The following CPB1 variants were observed in gnomAD, a reference collection of about 807,000 sequenced individuals.
CPB1 encodes carboxypeptidase B1.
A neutral mutation model predicts 51.4 loss-of-function variants in CPB1; 53 were observed. The ratio of observed to expected loss-of-function variants is 1.03; its 90% CI spans 0.83 to 1.30. The LOEUF (loss-of-function observed/expected upper bound fraction) is 1.30. Among genes scored for constraint, CPB1 ranks in the 50% most tolerant of loss-of-function variants. CPB1 has a pLI of 0.00. For missense variants in CPB1, 494 were observed against 516.2 expected, an observed-to-expected ratio of 0.96 and a Z score of 0.42; for synonymous variants, 189 against 186.9, an observed-to-expected ratio of 1.01 and a Z score of -0.09.
At position 148,837,103 on chromosome 3, in the gene CPB1, T is replaced by C. The variant is rs1444974393; in HGVS notation, c.272+2481T>C. 2.6e-5 allele frequency among the ~76,000 whole-genome samples: 4 copies of C among 152,298 alleles called. No homozygotes were observed. In the East Asian group the frequency reaches 7.7e-4, roughly 29 times the overall value. On this transcript the variant is annotated intron_variant, in intron 3 of 10. Transcript: ENST00000282957. ...AACAGAAAGACTAGGAATCAGATAG[T>C]GTAAATCTCCAACTTATGGTTATGA...
intron 9 of CPB1, among the ~76,000 whole-genome samples, chr3:148,850,725 C>G (rs1713402287): frequency 6.6e-6 from 1 of 152,138 alleles, no homozygotes; most frequent in Non-Finnish European, 1.5e-5. Context: ...AGAAGGCAGA[C>G]AGTTGCAGGG....
chr3:148,857,638 GGCTTTT>G, intron 10 of CPB1, 97 bp downstream of exon 10: 1 of 760,798 alleles, frequency 1.3e-6, no homozygotes, highest in Non-Finnish European at 2.1e-6. Context: ...TAAAGCATGT[GGCTTTT>G]GCCTCACAGC....
At chr3:148,848,924 T>G (rs1713335218) in intron 9 of CPB1, among the ~76,000 whole-genome samples, 1 of 152,220 alleles carries the variant, frequency 6.6e-6, no homozygotes, top group African/African-American at 2.4e-5. Context: ...CTGCTTTTAC[T>G]CATACTATAT....
At position 148,844,522 on chromosome 3, in the gene CPB1, C is replaced by T. The variant is rs147755306; in HGVS notation, c.621C>T (p.Leu207=). 433 of 1,613,882 alleles carry T rather than the reference C, an allele frequency of 2.7e-4. 2 individuals are homozygous for T. The African/African-American group carries it at 4.9e-3, about 18-fold the overall frequency. The change falls in exon 7 of 11, where the codon CTC becomes CTT. Residue 207 remains leucine (L), a synonymous_variant. Coordinates refer to ENST00000282957, the MANE Select transcript of CPB1 (RefSeq NM_001871.3). The part of the protein sequence containing the change: ...YGREIQVTEL[L]DKLDFYVLPV... ...GTGAGATCCAAGTGACAGAGCTTCT[C>T]GACAAGTTAGACTTTTATGTCCTGC...
In CPB1 at chr3:148,857,521, G is replaced by T; in HGVS notation, c.1046G>T (p.Gly349Val). 1 of 1,613,812 alleles carries T rather than the reference G, an allele frequency of 6.2e-7. No homozygotes were observed. Among genetic ancestry groups the T allele is most frequent in the Non-Finnish European group, 8.5e-7 (1 of 1,179,806 alleles). ...CTGCACGGCACCAAGTACACATATG[G>T]CCCGGGAGCTACAACAATCTGTGAG... ...ASLHGTKYTY[G>V]PGATTIYPAA... Residue 349 changes from glycine to valine, a missense_variant, in exon 10 of 11, where the codon GGC becomes GTC. Physicochemically the swap from Gly to Val is moderately radical, Grantham distance 109. Transcript: ENST00000282957.
At position 148,860,056 on chromosome 3, in the gene CPB1, T is replaced by C. The variant is rs1035854500; in HGVS notation, c.*54T>C. On this transcript the variant is annotated 3_prime_UTR_variant, in exon 11 of 11. Coordinates refer to ENST00000282957, the MANE Select transcript of CPB1 (RefSeq NM_001871.3). ...ATTCTCATTTTTCATTTCTTTTCTT[T>C]CTTGAATTCTTATTTTGGTTTGCCT... 7 of 1,544,390 alleles carry C rather than the reference T, an allele frequency of 4.5e-6. No individual in the cohort carries two copies. The highest frequency in any genetic ancestry group is 3.7e-5 in the Admixed American group (2 of 53,682).
chr3:148,848,912 A>C (rs1713335150), intron 9 of CPB1, among the ~76,000 whole-genome samples: 1 of 152,190 alleles, frequency 6.6e-6, no homozygotes, highest in South Asian at 2.1e-4. Context: ...CCCATTTGCA[A>C]ACTGCTTTTA....
At chr3:148,857,053 T>C (rs1713584634) in intron 9 of CPB1, 1 of 143,222 alleles carries the variant, frequency 7.0e-6, no homozygotes. Flanking sequence ...AACTGCCACA[T>C]TGCCAAGTGT....
chr3:148,833,906 T>C (rs1712814817), intron 2 of CPB1, among the ~76,000 whole-genome samples: 1 of 152,114 alleles, frequency 6.6e-6, no homozygotes, highest in Non-Finnish European at 1.5e-5. Flanking sequence ...TAAATGAAAA[T>C]GTCAGTACAT....
At chr3:148,851,816 A>G (rs1178886961) in intron 9 of CPB1, 5 of 152,262 alleles carry the variant, frequency 3.3e-5, no homozygotes, top group Non-Finnish European at 7.3e-5. Context: ...GCAAGGGCCA[A>G]TCAATGAGGT....
In CPB1 at chr3:148,844,703, C is replaced by T; in HGVS notation, c.714C>T (p.Ser238=). 4 of 1,613,962 alleles carry T rather than the reference C, an allele frequency of 2.5e-6. No individual in the cohort carries two copies. The South Asian group carries it at 4.4e-5, about 18-fold the overall frequency. The change falls in exon 8 of 11, where the codon TCC becomes TCT. Residue 238 remains serine (S), a synonymous_variant. Coordinates refer to ENST00000282957, the MANE Select transcript of CPB1 (RefSeq NM_001871.3). ...TKSRFWRKTR[S]THTGSSCIGT... The stretch of plus-strand genomic sequence containing the variant: ...GCCGATTTTGGAGAAAGACTCGCTC[C>T]ACCCATACTGGATCTAGCTGCATTG...
At chr3:148,846,095 A>G (rs1455562325) in intron 9 of CPB1, among the ~76,000 whole-genome samples, 1 of 152,202 alleles carries the variant, frequency 6.6e-6, no homozygotes, top group Non-Finnish European at 1.5e-5. Flanking sequence ...TTAAATACTA[A>G]AATTGTTTAT....
At position 148,844,559 on chromosome 3, in the gene CPB1, A is replaced by G. The variant is rs755307416; in HGVS notation, c.658A>G (p.Ile220Val). 24 of 1,613,702 alleles carry G rather than the reference A, an allele frequency of 1.5e-5. No individual in the cohort carries two copies. Among genetic ancestry groups the G allele is most frequent in the Non-Finnish European group, 1.7e-6 (2 of 1,179,824 alleles). The change falls in exon 7 of 11, where the codon ATT becomes GTT. Residue 220 changes from isoleucine (I) to valine (V), a missense_variant. By Grantham distance (29) the Ile-to-Val change is conservative. Transcript: ENST00000282957. ...CTTTTATGTCCTGCCTGTGCTCAAT[A>G]TTGATGGCTACATCTACACCTGGAC... is the stretch of plus-strand genomic sequence containing the variant. ...LDFYVLPVLN[I>V]DGYIYTWTKS...
In CPB1 at chr3:148,828,200, C is replaced by G. The variant is rs1712629560; in HGVS notation, c.147+123C>G. On this transcript the variant is annotated intron_variant, in intron 2 of 10. Coordinates refer to ENST00000282957, the MANE Select transcript of CPB1 (RefSeq NM_001871.3). ...GCATTTTGGTAGCAAGAAATAAAAA[C>G]TTGGAAAACATTTAGTGCCATAATG... The G allele has an allele frequency of 1.2e-5, 10 of 804,956 alleles. No individual in the cohort carries two copies. The South Asian group carries it at 1.6e-4, about 13-fold the overall frequency. The allele number at this position is 804,956 out of a possible 1,614,324, so 49.9% of individuals were successfully genotyped here.
chr3:148,837,709 C>G (rs1029094334), intron 3 of CPB1, among the ~76,000 whole-genome samples: 3 of 151,642 alleles, frequency 2.0e-5, no homozygotes, highest in African/African-American at 7.3e-5. Context: ...CATTTGAGGT[C>G]AGTCCCCCGC....
At chr3:148,848,868 G>A (rs1713333873) in intron 9 of CPB1, among the ~76,000 whole-genome samples, 1 of 152,148 alleles carries the variant, frequency 6.6e-6, no homozygotes, top group South Asian at 2.1e-4. Flanking sequence ...AAAGTAGATG[G>A]AATAACAAGA....
At chr3:148,841,615 C>T (rs536495426) in intron 5 of CPB1, among the ~76,000 whole-genome samples, 1 of 152,258 alleles carries the variant, frequency 6.6e-6, no homozygotes, top group African/African-American at 2.4e-5. Flanking sequence ...AAATAATAAA[C>T]AGCCATATAA....
intron 9 of CPB1, chr3:148,851,069 C>T (rs560392136): frequency 6.6e-6 from 1 of 152,400 alleles, no homozygotes; most frequent in South Asian, 2.1e-4. Flanking sequence ...CCTGGTGGCT[C>T]ATGCCTGTAA....
intron 3 of CPB1, 72 bp from the exon 4 acceptor site, chr3:148,840,614 G>T (rs888551741): frequency 4.7e-6 from 6 of 1,286,992 alleles, no homozygotes; most frequent in Non-Finnish European, 6.8e-6. Flanking sequence ...CAGTGGCTCT[G>T]GGGTTTTATG....
Sources: gnomAD v4.1 joint callset for allele counts (sites outside exome capture counted in the v4.1 genomes callset) on GRCh38, gnomAD v4.1.1 for gene constraint, MANE v1.5 for transcripts, NCBI Gene and HGNC (gene_info 2026-07-23, HGNC 2026-07-21) for gene names.